Variants in MAPKAPK3 observed in about 807,000 individuals in gnomAD.
MAPKAPK3 encodes the protein MAP kinase-activated protein kinase 3.
MAPKAPK3 carries 35 observed loss-of-function variants against 49.2 expected under a neutral mutation model. The observed-to-expected ratio is 0.71, with a 90% CI of 0.54 to 0.94. The LOEUF (loss-of-function observed/expected upper bound fraction) is 0.94, where lower values mean the gene tolerates loss of function less well. Among genes scored for constraint, MAPKAPK3 ranks in the 40% least tolerant of loss-of-function variants. The pLI, the probability that MAPKAPK3 is intolerant of heterozygous loss-of-function variation, is 0.00. For missense variants in MAPKAPK3, 398 were observed against 493.1 expected, an observed-to-expected ratio of 0.81 and a Z score of 1.83; for synonymous variants, 178 against 188.7, an observed-to-expected ratio of 0.94 and a Z score of 0.46.
chr3:50,640,202 A>G (rs2033143680), intron 2 of MAPKAPK3, among the ~76,000 whole-genome samples, 164 bp from the exon 3 acceptor site: 1 of 152,240 alleles, frequency 6.6e-6, no homozygotes, highest in Admixed American at 6.5e-5. Flanking sequence ...CCAGAGGCTC[A>G]CTGGACCACA....
chr3:50,644,562 C>T (rs771642184), intron 6 of MAPKAPK3, 30 bp downstream of exon 6: 3 of 1,612,116 alleles, frequency 1.9e-6, no homozygotes, highest in Non-Finnish European at 1.7e-6. Context: ...GTTGTAACTC[C>T]TCACCCCAAC....
At position 50,646,793 on chromosome 3, in the gene MAPKAPK3, A is replaced by G. The variant is rs2033309934; in HGVS notation, c.883A>G (p.Ile295Val). Residue 295 changes from isoleucine (I) to valine (V), a missense_variant, in exon 9 of 11, where the codon ATC becomes GTC. Ile to Val is a conservative substitution (Grantham distance 29). Coordinates refer to ENST00000621469, the MANE Select transcript of MAPKAPK3 (RefSeq NM_001243925.2). Reference sequence around the variant, plus strand: ...GACAGACCCCACAGAGAGGCTGACCATCACTCAGTTCATGAACCACCCCTG... The same window carrying G: ...GACAGACCCCACAGAGAGGCTGACCGTCACTCAGTTCATGAACCACCCCTG... ...LKTDPTERLTITQFMNHPWIN... is the reference protein window; with the variant it reads ...LKTDPTERLTVTQFMNHPWIN... 1 of 1,613,892 alleles carries G rather than the reference A, an allele frequency of 6.2e-7. No individual in the cohort carries two copies. Among genetic ancestry groups the G allele is most frequent in the African/African-American group, 1.3e-5 (1 of 74,900 alleles).
intron 10 of MAPKAPK3, 99 bp from the exon 11 acceptor site, chr3:50,647,795 C>A: frequency 8.5e-7 from 1 of 1,176,612 alleles, no homozygotes; most frequent in Non-Finnish European, 1.2e-6. Context: ...GCAGCACAGG[C>A]TGTCACTGAC....
At chr3:50,631,103 G>C (rs917623786) in intron 2 of MAPKAPK3, among the ~76,000 whole-genome samples, 1 of 151,944 alleles carries the variant, frequency 6.6e-6, no homozygotes, top group South Asian at 2.1e-4. Context: ...GATGTGGTTG[G>C]AACTTAATGA....
upstream of MAPKAPK3, among the ~76,000 whole-genome samples, chr3:50,613,140 C>T (rs2032378621): frequency 6.6e-6 from 1 of 152,094 alleles, no homozygotes. Context: ...CCATCCCCCT[C>T]CCAGTGTGTG....
At chr3:50,617,822 G>A (rs1262832809) in intron 2 of MAPKAPK3, 38 bp downstream of exon 2, 8 of 1,540,776 alleles carry the variant, frequency 5.2e-6, no homozygotes, top group Non-Finnish European at 7.2e-6. Context: ...GTATCCTGGA[G>A]GGTCCACAGC....
chr3:50,635,920 CAAAAAAAAAAAAAAA>C (rs748358137), intron 2 of MAPKAPK3, among the ~76,000 whole-genome samples: 1 of 73,516 alleles, frequency 1.4e-5, no homozygotes, highest in African/African-American at 9.3e-5. Flanking sequence ...CCGTCTCTAC[CAAAAAAAAAAAAAAA>C]AAAAAAAAAA....
At chr3:50,645,113 C>G (rs2033257427) in intron 6 of MAPKAPK3, among the ~76,000 whole-genome samples, 1 of 152,164 alleles carries the variant, frequency 6.6e-6, no homozygotes, top group African/African-American at 2.4e-5. Flanking sequence ...GCTTTTCTCC[C>G]TCAGAAGAGG....
At position 50,647,192 on chromosome 3, in the gene MAPKAPK3, G is replaced by T; in HGVS notation, c.985G>T (p.Asp329Tyr). The change falls in exon 10 of 11, where the codon GAC becomes TAC. Residue 329 changes from aspartate (D) to tyrosine (Y), a missense_variant. Transcript: ENST00000621469. ...RVLQEDKDHW[D>Y]EVKEEMTSAL... ...GCTGCAGGAGGACAAAGACCACTGGGACGAAGTCAAGGTGGGTGGGCTCTG... is the reference window on the plus strand; with the variant it reads ...GCTGCAGGAGGACAAAGACCACTGGTACGAAGTCAAGGTGGGTGGGCTCTG... 1 of 1,591,458 alleles carries T rather than the reference G, an allele frequency of 6.3e-7. No homozygotes were observed. Among genetic ancestry groups the T allele is most frequent in the Non-Finnish European group, 8.6e-7 (1 of 1,168,776 alleles).
exon 1 of MAPKAPK3, chr3:50,611,968 A>T: frequency 2.5e-6 from 1 of 398,426 alleles, no homozygotes. Flanking sequence ...TGGGGCCCTG[A>T]GCAGTGAAAG....
intron 2 of MAPKAPK3, among the ~76,000 whole-genome samples, chr3:50,623,896 G>A (rs2032670592): frequency 6.6e-6 from 1 of 152,248 alleles, no homozygotes; most frequent in Admixed American, 6.5e-5. Context: ...GCTGGGCCCT[G>A]AGTGATGCTG....
At chr3:50,641,558 T>C in intron 3 of MAPKAPK3, 149 bp from the exon 4 acceptor site, 1 of 704,254 alleles carries the variant, frequency 1.4e-6, no homozygotes, top group Admixed American at 2.1e-5. Flanking sequence ...CACCAGGTTC[T>C]ACAAGGGACA....
chr3:50,647,493 G>T (rs559861515), intron 10 of MAPKAPK3, among the ~76,000 whole-genome samples: 7 of 152,354 alleles, frequency 4.6e-5, no homozygotes, highest in Admixed American at 4.6e-4. Flanking sequence ...GGTCAGCCTG[G>T]TTTAGACCCA....
chr3:50,617,402 G>A (rs2032495775), intron 1 of MAPKAPK3, 112 bp from the exon 2 acceptor site: 2 of 581,802 alleles, frequency 3.4e-6, no homozygotes, highest in Non-Finnish European at 6.1e-6. Flanking sequence ...CAGGCCGTTC[G>A]TCCCGCACTC....
At chr3:50,647,534 C>T (rs954418184) in intron 10 of MAPKAPK3, among the ~76,000 whole-genome samples, 1 of 152,390 alleles carries the variant, frequency 6.6e-6, no homozygotes, top group East Asian at 1.9e-4. Flanking sequence ...TATGGAGTAG[C>T]AGCTCCAGTG....
chr3:50,626,080 A>AC (rs3838605), intron 2 of MAPKAPK3, among the ~76,000 whole-genome samples: 128,081 of 151,034 alleles, frequency 0.85, 54,685 homozygotes, highest in East Asian at 0.95. Context: ...GTCCCCCGCC[A>AC]CCCCCCCATG....
Position 50,647,150 on chromosome 3 carries a change from C to A in MAPKAPK3, c.943C>A (p.Leu315Ile). The change falls in exon 10 of 11, where the codon CTC (leucine) becomes ATC (isoleucine). Residue 315 changes from leucine to isoleucine, a missense_variant. Leu to Ile is a conservative substitution (Grantham distance 5). Around this residue, in one of 5 missense-constraint regions of MAPKAPK3, gnomAD observed 152 missense variants for 177.3 expected, o/e 0.86. Transcript: ENST00000621469. ...ATCGATGGTAGTGCCACAGACCCCA[C>A]TCCACACGGCCCGAGTGCTGCAGGA... ...NQSMVVPQTP[L>I]HTARVLQEDK... 1 of 1,594,460 alleles carries A rather than the reference C, an allele frequency of 6.3e-7. No homozygotes were observed. The highest frequency in any genetic ancestry group is 8.5e-7 in the Non-Finnish European group (1 of 1,170,350).
chr3:50,617,436 C>G, intron 1 of MAPKAPK3, 78 bp from the exon 2 acceptor site: 1 of 610,102 alleles, frequency 1.6e-6, no homozygotes. Context: ...GGCTCGCAGC[C>G]CAGCCCAGTT....
At chr3:50,646,378 T>C (rs876105) in intron 8 of MAPKAPK3, 114 bp downstream of exon 8, 1,374,200 of 1,444,084 alleles carry the variant, frequency 0.95, 661,618 homozygotes, top group Non-Finnish European at 0.99. Context: ...TCCCCCTCTT[T>C]CCAGCTATGG....
Sources: allele counts gnomAD v4.1 joint callset (sites outside exome capture counted in the v4.1 genomes callset), GRCh38; gene constraint gnomAD v4.1.1; regional missense constraint gnomAD v4.1.1; transcripts MANE v1.5; gene names NCBI Gene and HGNC (gene_info 2026-07-23, HGNC 2026-07-21).